The following CLEC2B variants were observed in gnomAD, a reference collection of about 807,000 sequenced individuals.
The protein encoded by CLEC2B is C-type lectin domain family 2 member B, also known as C-type (calcium dependent, carbohydrate-recognition domain) lectin, superfamily member 2 (activation-induced).
A neutral mutation model predicts 16.2 loss-of-function variants in CLEC2B; 14 were observed. The ratio of observed to expected loss-of-function variants is 0.86; its 90% confidence interval spans 0.57 to 1.35. The LOEUF is 1.35. Among genes scored for constraint, CLEC2B ranks in the 40% most tolerant of loss-of-function variants. The probability of loss-of-function intolerance (pLI) is 0.00; values close to 1 mark genes in which losing one functional copy is unlikely to be tolerated. For synonymous variants in CLEC2B, 42 were observed against 55.8 expected (o/e 0.75, Z 1.10); for missense variants, 166 against 182.3 (o/e 0.91, Z 0.52).
At chr12:9,863,119 C>G (rs77802328) in intron 1 of CLEC2B, among the ~76,000 whole-genome samples, 9 of 152,090 alleles carry the variant, frequency 5.9e-5, no homozygotes, top group African/African-American at 2.2e-4. Flanking sequence ...TTGCACAGGT[C>G]CCCTGGGCTG....
intron 3 of CLEC2B, among the ~76,000 whole-genome samples, chr12:9,855,627 A>G (rs537331173): frequency 6.6e-6 from 1 of 152,002 alleles, no homozygotes; most frequent in African/African-American, 2.4e-5. Context: ...AGGGTAATTC[A>G]TAGTCTAGAC....
rs1867863511 is a variant in CLEC2B at position 9,853,148 on chromosome 12, T to C, written c.*152A>G. 1 of 568,634 alleles carries C rather than the reference T, an allele frequency of 1.8e-6. No homozygotes were observed. Among genetic ancestry groups the C allele is most frequent in the Admixed American group, 2.9e-5 (1 of 35,068 alleles). 35.2% of individuals were successfully genotyped at this position (568,634 alleles called of 1,614,324 possible). On this transcript the variant is annotated 3_prime_UTR_variant, in exon 5 of 5. Coordinates refer to ENST00000228438, the MANE Select transcript of CLEC2B (RefSeq NM_005127.3). ...AATACCTGTAACCATTTTTTGCCAATCTTTGAAGTGGCTTTTATGTGTAGC... is the reference window on the plus strand; with the variant it reads ...AATACCTGTAACCATTTTTTGCCAACCTTTGAAGTGGCTTTTATGTGTAGC...
At chr12:9,861,178 A>G (rs1398536094) in intron 2 of CLEC2B, among the ~76,000 whole-genome samples, 1 of 152,036 alleles carries the variant, frequency 6.6e-6, no homozygotes, top group East Asian at 1.9e-4. Context: ...TGCAATACCT[A>G]TAAACTACAA....
At chr12:9,869,005 T>C (rs1867994048) in intron 1 of CLEC2B, among the ~76,000 whole-genome samples, 200 bp downstream of exon 1, 1 of 152,188 alleles carries the variant, frequency 6.6e-6, no homozygotes, top group African/African-American at 2.4e-5. Context: ...CCTTCTCCAT[T>C]GTAATTCAAA....
chr12:9,854,314 A>G, intron 4 of CLEC2B, 67 bp downstream of exon 4: 2 of 1,025,180 alleles, frequency 2.0e-6, no homozygotes, highest in South Asian at 1.5e-5. Context: ...AAATTTAGCT[A>G]AAGCATAAGT....
chr12:9,853,840 C>T (rs1867872104), intron 4 of CLEC2B, among the ~76,000 whole-genome samples: 1 of 152,008 alleles, frequency 6.6e-6, no homozygotes, highest in East Asian at 1.9e-4. Context: ...GTATTCAGTA[C>T]AAAATATCAG....
chr12:9,855,136 A>C (rs1053501827), intron 3 of CLEC2B, among the ~76,000 whole-genome samples: 1 of 152,100 alleles, frequency 6.6e-6, no homozygotes, highest in African/African-American at 2.4e-5. Flanking sequence ...TACATGAGAA[A>C]GTCCTTGAGG....
At chr12:9,861,955 C>G (rs1867935796) in intron 2 of CLEC2B, among the ~76,000 whole-genome samples, 1 of 151,922 alleles carries the variant, frequency 6.6e-6, no homozygotes, top group Non-Finnish European at 1.5e-5. Flanking sequence ...GACTGTATGG[C>G]TAACAAAGCA....
chr12:9,857,222 C>T, intron 3 of CLEC2B: 1 of 298,116 alleles, frequency 3.4e-6, no homozygotes, highest in Non-Finnish European at 6.1e-6. Context: ...CAAACATTAT[C>T]AAGCTCTTCT....
At chr12:9,856,971 G>C (rs1867897805) in intron 3 of CLEC2B, 1 of 152,544 alleles carries the variant, frequency 6.6e-6, no homozygotes, top group African/African-American at 2.4e-5. Flanking sequence ...TTTCACAGAA[G>C]ACATGGTATC....
intron 1 of CLEC2B, among the ~76,000 whole-genome samples, chr12:9,867,472 G>T (rs1444987952): frequency 6.6e-6 from 1 of 152,026 alleles, no homozygotes; most frequent in African/African-American, 2.4e-5. Flanking sequence ...GTTTTCAGTT[G>T]TTTTTAATTT....
chr12:9,854,332 A>T (rs776455410), intron 4 of CLEC2B, 49 bp downstream of exon 4: 2 of 1,233,686 alleles, frequency 1.6e-6, no homozygotes, highest in African/African-American at 1.5e-5. Flanking sequence ...AGTCCTAGAG[A>T]AGGCTGCACT....
chr12:9,864,997 A>G (rs1867959933), intron 1 of CLEC2B, among the ~76,000 whole-genome samples: 1 of 152,108 alleles, frequency 6.6e-6, no homozygotes, highest in Non-Finnish European at 1.5e-5. Flanking sequence ...AGCCTGTCCA[A>G]CATAACGAAA....
rs1023426635 is a variant in CLEC2B at position 9,852,853 on chromosome 12, A to G, written c.*447T>C. 3.6e-5 allele frequency: 6 copies of G among 166,778 alleles called. No individual in the cohort carries two copies. The highest frequency in any genetic ancestry group is 7.8e-5 in the Non-Finnish European group (6 of 76,988). The allele number at this position is 166,778 out of a possible 1,614,324, so 10.3% of individuals were successfully genotyped here. A position where few individuals can be genotyped will look rare whatever the true frequency, so the allele number is the denominator to read the frequency against. On this transcript the variant is annotated 3_prime_UTR_variant, in exon 5 of 5. Coordinates refer to ENST00000228438, the MANE Select transcript of CLEC2B (RefSeq NM_005127.3). ...ATAAAATAGCCATTGTCCATATAACATTGTTCAGTGCCATTCTTGCTCTGT... is the reference window on the plus strand; with the variant it reads ...ATAAAATAGCCATTGTCCATATAACGTTGTTCAGTGCCATTCTTGCTCTGT...
chr12:9,865,900 C>T (rs1597098), intron 1 of CLEC2B, among the ~76,000 whole-genome samples: 46,845 of 151,942 alleles, frequency 0.31, 8,400 homozygotes, highest in Non-Finnish European at 0.39. Flanking sequence ...TGCTCCTTAA[C>T]GACCAAAGAG....
Position 9,857,459 on chromosome 12 carries a change from T to C in CLEC2B, c.237+15A>G, listed in dbSNP as rs778000606. 1.3e-6 allele frequency: 2 copies of C among 1,577,662 alleles called. No homozygotes were observed. The highest frequency in any genetic ancestry group is 1.7e-5 in the Admixed American group (1 of 58,626). ...CTCAAGAAAATTCACAAAGAATGTA[T>C]ATTAAATTACTTACCATTTCTTCTA... On this transcript the variant is annotated intron_variant, in intron 3 of 4. Coordinates refer to ENST00000228438, the MANE Select transcript of CLEC2B (RefSeq NM_005127.3).
At chr12:9,854,230 C>T in intron 4 of CLEC2B, 151 bp downstream of exon 4, 1 of 526,126 alleles carries the variant, frequency 1.9e-6, no homozygotes, top group South Asian at 3.1e-5. Context: ...TGGTTGCCTC[C>T]TTACATGAAT....
chr12:9,862,565 T>C lies in CLEC2B; in HGVS notation c.7A>G (p.Thr3Ala), dbSNP rs927036476. MMTKHKKCFIIVG... is the reference protein window; with the variant it reads MMAKHKKCFIIVG... ...ATTATAAAACACTTTTTATGTTTGGTCATCATACCTGAAAAATAAAAATAA... is the reference window on the plus strand; with the variant it reads ...ATTATAAAACACTTTTTATGTTTGGCCATCATACCTGAAAAATAAAAATAA... The change falls in exon 2 of 5, where the codon ACC becomes GCC. Residue 3 changes from threonine (T) to alanine (A), a missense_variant. By Grantham distance (58) the Thr-to-Ala change is moderately conservative (BLOSUM62 0). Coordinates refer to ENST00000228438, the MANE Select transcript of CLEC2B (RefSeq NM_005127.3). 2.7e-6 allele frequency: 4 copies of C among 1,475,404 alleles called. No individual in the cohort carries two copies. The highest frequency in any genetic ancestry group is 3.6e-4 in the Middle Eastern group (2 of 5,568). 91.4% of individuals were successfully genotyped at this position (1,475,404 alleles called of 1,614,324 possible). A position where few individuals can be genotyped will look rare whatever the true frequency, so the allele number is the denominator to read the frequency against.
intron 3 of CLEC2B, 32 bp downstream of exon 3, chr12:9,857,442 A>T: frequency 6.5e-7 from 1 of 1,528,078 alleles, no homozygotes; most frequent in Non-Finnish European, 9.0e-7. Flanking sequence ...GACTCAAGAA[A>T]ATTCACAAAG....
Sources: gnomAD v4.1 joint callset for allele counts (sites outside exome capture counted in the v4.1 genomes callset) on GRCh38, gnomAD v4.1.1 for gene constraint, MANE v1.5 for transcripts, NCBI Gene and HGNC (gene_info 2026-07-23, HGNC 2026-07-21) for gene names.